The following SEMA3E variants were observed in gnomAD, a reference collection of about 807,000 sequenced individuals.
The protein encoded by SEMA3E is semaphorin-3E.
A neutral mutation model predicts 93.6 loss-of-function variants in SEMA3E; 49 were observed. That is an observed-to-expected ratio of 0.52 (90% CI 0.42 to 0.66). The LOEUF is 0.66. Ranked by LOEUF, SEMA3E falls within the 30% of genes least tolerant of loss-of-function variation. The pLI is 0.00. For missense variants in SEMA3E, 906 were observed against 964.8 expected (o/e 0.94, Z 0.81); for synonymous variants, 363 against 330.7 (o/e 1.10, Z -1.06).
At chr7:83,483,302 A>G (rs1562801886) in intron 2 of SEMA3E, among the ~76,000 whole-genome samples, 1 of 152,148 alleles carries the variant, frequency 6.6e-6, no homozygotes, top group Non-Finnish European at 1.5e-5. Context: ...TCAAAACATC[A>G]TTAACACTCA....
At chr7:83,409,217 T>G (rs914442148) in intron 5 of SEMA3E, among the ~76,000 whole-genome samples, 1 of 152,122 alleles carries the variant, frequency 6.6e-6, no homozygotes, top group African/African-American at 2.4e-5. Flanking sequence ...ATGTGTCTTT[T>G]GAGTAAGAAA....
intron 1 of SEMA3E, among the ~76,000 whole-genome samples, chr7:83,569,745 T>C (rs190297060): frequency 6.6e-6 from 1 of 152,242 alleles, no homozygotes; most frequent in East Asian, 1.9e-4. Flanking sequence ...CAAGTTCTCC[T>C]TGACTATGAC....
At chr7:83,480,986 A>T (rs1233133237) in intron 2 of SEMA3E, among the ~76,000 whole-genome samples, 1 of 152,186 alleles carries the variant, frequency 6.6e-6, no homozygotes, top group East Asian at 1.9e-4. Flanking sequence ...ATAAAACTAT[A>T]TTTAATAATT....
At chr7:83,448,740 A>T (rs1409337498) in intron 4 of SEMA3E, among the ~76,000 whole-genome samples, 1 of 152,248 alleles carries the variant, frequency 6.6e-6, no homozygotes. Context: ...GCTACAAAAC[A>T]TCCACCATTA....
At chr7:83,630,270 A>G (rs1298356687) in intron 1 of SEMA3E, among the ~76,000 whole-genome samples, 1 of 152,210 alleles carries the variant, frequency 6.6e-6, no homozygotes, top group Non-Finnish European at 1.5e-5. Context: ...TCATTTCTTA[A>G]AGAAAAATGG....
intron 1 of SEMA3E, among the ~76,000 whole-genome samples, chr7:83,566,257 C>T (rs185172341): frequency 3.9e-4 from 59 of 151,308 alleles, no homozygotes; most frequent in Admixed American, 1.4e-3. Flanking sequence ...CTGCCTGCTT[C>T]GGCCTCCCAG....
intron 2 of SEMA3E, among the ~76,000 whole-genome samples, chr7:83,482,307 C>T (rs897389977): frequency 1.3e-5 from 2 of 152,118 alleles, no homozygotes. Context: ...TGGCCCACGT[C>T]TGTAATCCCG....
chr7:83,435,327 C>T (rs920074686), intron 4 of SEMA3E, among the ~76,000 whole-genome samples: 9 of 152,160 alleles, frequency 5.9e-5, no homozygotes, highest in African/African-American at 1.9e-4. Context: ...GGCACAGTGG[C>T]TCACGCCTGT....
chr7:83,528,343 G>C (rs188670562), intron 1 of SEMA3E, among the ~76,000 whole-genome samples: 4 of 152,148 alleles, frequency 2.6e-5, no homozygotes, highest in African/African-American at 9.6e-5. Context: ...TTTGAAGTTA[G>C]AATAGAAATA....
In SEMA3E at chr7:83,364,683, A is replaced by G. The variant is rs1794640027; in HGVS notation, c.*2903T>C. The G allele has an allele frequency of 1.3e-5, 2 of 152,204 alleles. No individual in the cohort carries two copies. Among genetic ancestry groups the G allele is most frequent in the Admixed American group, 1.3e-4 (2 of 15,282 alleles). The allele number at this position is 152,204 out of a possible 1,614,324, so 9.4% of individuals were successfully genotyped here. A position where few individuals can be genotyped will look rare whatever the true frequency, so the allele number is the denominator to read the frequency against. On this transcript the variant is annotated 3_prime_UTR_variant, in exon 17 of 17. Coordinates refer to ENST00000643230, the MANE Select transcript of SEMA3E (RefSeq NM_012431.3). ...ATGGGCATTGTTTTATGTCAAAACT[A>G]AGTCTATCCACAGGTCCTCTCCTGT... is the stretch of plus-strand genomic sequence containing the variant.
intron 2 of SEMA3E, among the ~76,000 whole-genome samples, chr7:83,479,365 C>T (rs190609914): frequency 6.6e-6 from 1 of 152,154 alleles, no homozygotes; most frequent in Admixed American, 6.5e-5. Context: ...ACCTATGGCA[C>T]ATGTATATCT....
intron 1 of SEMA3E, among the ~76,000 whole-genome samples, chr7:83,632,607 T>C (rs561627206): frequency 2.6e-5 from 4 of 152,222 alleles, no homozygotes; most frequent in Admixed American, 1.3e-4. Flanking sequence ...TCCCCAACCA[T>C]GTGGAACTGT....
At chr7:83,568,854 G>C (rs1468381942) in intron 1 of SEMA3E, among the ~76,000 whole-genome samples, 1 of 151,916 alleles carries the variant, frequency 6.6e-6, no homozygotes, top group Non-Finnish European at 1.5e-5. Context: ...AGTCAACATA[G>C]TACTAAAAGT....
intron 16 of SEMA3E, among the ~76,000 whole-genome samples, chr7:83,379,146 C>A (rs963509481): frequency 4.0e-5 from 6 of 151,478 alleles, no homozygotes; most frequent in African/African-American, 1.5e-4. Context: ...ATAACTCAAA[C>A]GAAAGTCAAA....
intron 1 of SEMA3E, among the ~76,000 whole-genome samples, chr7:83,553,227 T>C (rs1019125608): frequency 6.6e-6 from 1 of 152,172 alleles, no homozygotes; most frequent in Non-Finnish European, 1.5e-5. Context: ...AGAAAGAACC[T>C]ACGTTGAAAT....
At chr7:83,590,365 G>T (rs964661344) in intron 1 of SEMA3E, among the ~76,000 whole-genome samples, 11 of 141,206 alleles carry the variant, frequency 7.8e-5, no homozygotes, top group African/African-American at 2.4e-4. Context: ...TAGATTCACT[G>T]GCAAAATCTG....
At chr7:83,508,934 A>G (rs1470495208) in intron 1 of SEMA3E, among the ~76,000 whole-genome samples, 2 of 152,302 alleles carry the variant, frequency 1.3e-5, no homozygotes, top group Admixed American at 1.3e-4. Context: ...TTCGTTAAGT[A>G]CATTATAAAC....
intron 14 of SEMA3E, among the ~76,000 whole-genome samples, chr7:83,387,328 A>T (rs957194634): frequency 6.6e-6 from 1 of 150,500 alleles, no homozygotes; most frequent in Admixed American, 6.7e-5. Flanking sequence ...TTTTGTTAAA[A>T]ATTTAGTTCA....
At chr7:83,514,557 T>C (rs1011957) in intron 1 of SEMA3E, among the ~76,000 whole-genome samples, 128,431 of 152,074 alleles carry the variant, frequency 0.84, 54,491 homozygotes, top group South Asian at 0.95. Flanking sequence ...AAAGATAAAA[T>C]CTTTGTTGTT....
Sources: allele counts gnomAD v4.1 joint callset (sites outside exome capture counted in the v4.1 genomes callset), GRCh38; gene constraint gnomAD v4.1.1; transcripts MANE v1.5; gene names NCBI Gene and HGNC (gene_info 2026-07-23, HGNC 2026-07-21).